Variants in CDH13 observed in about 807,000 individuals in gnomAD.
The protein encoded by CDH13 is cadherin-13.
In CDH13, 24 loss-of-function variants were observed where a neutral mutation model predicts 63.8. The observed-to-expected ratio is 0.38, with a 90% confidence interval of 0.27 to 0.53. CDH13 has a LOEUF of 0.53. Among genes scored for constraint, CDH13 ranks in the 20% least tolerant of loss-of-function variants. The probability of loss-of-function intolerance (pLI) is 0.85; values close to 1 mark genes in which losing one functional copy is unlikely to be tolerated. For missense variants in CDH13, 1,049 were observed against 903.1 expected (o/e 1.16, Z -2.07); for synonymous variants, 503 against 355.3 (o/e 1.42, Z -4.67).
At chr16:82,819,883 T>C (rs1422609322) in intron 1 of CDH13, among the ~76,000 whole-genome samples, 2 of 152,140 alleles carry the variant, frequency 1.3e-5, no homozygotes, top group African/African-American at 4.8e-5. Flanking sequence ...GAAGGTGATA[T>C]ATGCAATGGG....
At chr16:83,325,778 A>G (rs556421676) in intron 5 of CDH13, among the ~76,000 whole-genome samples, 4 of 152,146 alleles carry the variant, frequency 2.6e-5, no homozygotes, top group African/African-American at 9.6e-5. Flanking sequence ...TTATTTAGAA[A>G]ATTTTCCTTG....
chr16:82,714,302 C>T (rs903999491), intron 1 of CDH13, among the ~76,000 whole-genome samples: 1 of 152,096 alleles, frequency 6.6e-6, no homozygotes, highest in African/African-American at 2.4e-5. Context: ...TGTTGAAGTC[C>T]AAATCCCCAG....
intron 1 of CDH13, among the ~76,000 whole-genome samples, chr16:82,629,120 A>C (rs1436294255): frequency 1.3e-5 from 2 of 152,234 alleles, no homozygotes; most frequent in Non-Finnish European, 2.9e-5. Flanking sequence ...AAAGCAAGAC[A>C]GACCACGTGA....
At chr16:83,739,574 A>T (rs1911867973) in intron 10 of CDH13, among the ~76,000 whole-genome samples, 1 of 151,976 alleles carries the variant, frequency 6.6e-6, no homozygotes, top group Non-Finnish European at 1.5e-5. Flanking sequence ...AACCCACCTA[A>T]CTAAGCCCCC....
chr16:82,937,925 A>T (rs1344472364), intron 2 of CDH13, among the ~76,000 whole-genome samples: 2 of 152,234 alleles, frequency 1.3e-5, no homozygotes, highest in African/African-American at 4.8e-5. Context: ...ATAAAAGGAC[A>T]GTAATTGGAT....
chr16:83,007,361 C>T (rs939609835), intron 2 of CDH13, among the ~76,000 whole-genome samples: 1 of 152,130 alleles, frequency 6.6e-6, no homozygotes, highest in African/African-American at 2.4e-5. Flanking sequence ...TAACATGAAA[C>T]CCATTTCACA....
At chr16:83,346,597 A>G (rs1414131968) in intron 6 of CDH13, among the ~76,000 whole-genome samples, 1 of 152,156 alleles carries the variant, frequency 6.6e-6, no homozygotes, top group Non-Finnish European at 1.5e-5. Context: ...ATGTCTTTGT[A>G]TATTATGTGT....
intron 4 of CDH13, among the ~76,000 whole-genome samples, chr16:83,153,557 A>C (rs1295866791): frequency 6.6e-6 from 1 of 152,190 alleles, no homozygotes; most frequent in African/African-American, 2.4e-5. Flanking sequence ...GCTCCTCCCA[A>C]AGTTAGTTCA....
intron 6 of CDH13, among the ~76,000 whole-genome samples, chr16:83,423,408 T>C (rs2071776428): frequency 6.6e-6 from 1 of 152,148 alleles, no homozygotes; most frequent in African/African-American, 2.4e-5. Context: ...GTGTGATCTG[T>C]CTTCTTCTGC....
At chr16:83,206,245 C>G (rs550168954) in intron 4 of CDH13, among the ~76,000 whole-genome samples, 1 of 152,308 alleles carries the variant, frequency 6.6e-6, no homozygotes, top group East Asian at 1.9e-4. Flanking sequence ...CTACGAAGCC[C>G]TCTGGCCGTG....
intron 2 of CDH13, among the ~76,000 whole-genome samples, chr16:82,959,409 G>A: frequency 6.6e-6 from 1 of 152,112 alleles, no homozygotes; most frequent in African/African-American, 2.4e-5. Flanking sequence ...AAAATTTGTG[G>A]CTTAAAGCAA....
At chr16:82,667,892 A>G (rs531562331) in intron 1 of CDH13, among the ~76,000 whole-genome samples, 1 of 152,300 alleles carries the variant, frequency 6.6e-6, no homozygotes, top group South Asian at 2.1e-4. Context: ...AGCTGTCTCA[A>G]AATGAGATAA....
intron 2 of CDH13, among the ~76,000 whole-genome samples, chr16:82,921,897 T>C (rs1040884823): frequency 6.6e-6 from 1 of 152,160 alleles, no homozygotes; most frequent in Non-Finnish European, 1.5e-5. Context: ...TTTGCAGAAA[T>C]ATTCTAAATT....
intron 4 of CDH13, among the ~76,000 whole-genome samples, chr16:83,191,958 T>C (rs1251667089): frequency 6.6e-6 from 1 of 152,106 alleles, no homozygotes; most frequent in Non-Finnish European, 1.5e-5. Context: ...GGCTCAGTAT[T>C]AACCAACTCA....
intron 1 of CDH13, among the ~76,000 whole-genome samples, chr16:82,794,089 T>G (rs1339303582): frequency 6.6e-6 from 1 of 152,064 alleles, no homozygotes; most frequent in Non-Finnish European, 1.5e-5. Context: ...CACATGCTGC[T>G]GAGGGAGGAT....
chr16:83,191,986 C>T lies in CDH13; in HGVS notation c.484-25359C>T, dbSNP rs369112512. On this transcript the variant is annotated intron_variant, in intron 4 of 13. Coordinates refer to ENST00000567109, the MANE Select transcript of CDH13 (RefSeq NM_001257.5). Reference sequence around the variant, plus strand: ...CCAACTCAATGATAAAAAGAGAGAGCAAAAGCATGTAGAATTGATATGACG... The same window carrying T: ...CCAACTCAATGATAAAAAGAGAGAGTAAAAGCATGTAGAATTGATATGACG... 1.7e-3 allele frequency among the ~76,000 whole-genome samples: 252 copies of T among 152,160 alleles called. 8 individuals carry two copies. In the South Asian group the frequency reaches 0.05, roughly 30 times the overall value.
chr16:83,265,307 C>A (rs1010081911), intron 5 of CDH13, among the ~76,000 whole-genome samples: 2 of 152,148 alleles, frequency 1.3e-5, no homozygotes, highest in Admixed American at 6.5e-5. Context: ...CTTTTTCCTT[C>A]CTGGTTAACC....
chr16:83,013,305 A>T (rs778307554), intron 2 of CDH13, among the ~76,000 whole-genome samples: 3 of 152,154 alleles, frequency 2.0e-5, no homozygotes, highest in Non-Finnish European at 2.9e-5. Context: ...CAGGTTGTAG[A>T]TTCCAGACTC....
intron 4 of CDH13, among the ~76,000 whole-genome samples, chr16:83,143,495 A>G (rs145813709): frequency 4.6e-4 from 70 of 152,348 alleles, no homozygotes; most frequent in African/African-American, 1.5e-3. Context: ...TAAATATTAC[A>G]GGTGACTGAA....
Sources: allele counts gnomAD v4.1 joint callset (sites outside exome capture counted in the v4.1 genomes callset), GRCh38; gene constraint gnomAD v4.1.1; transcripts MANE v1.5; gene names NCBI Gene and HGNC (gene_info 2026-07-23, HGNC 2026-07-21).